Variants in B3GALT5 observed in about 807,000 individuals in gnomAD.
The protein encoded by B3GALT5 is beta-1,3-galactosyltransferase 5.
For synonymous variants in B3GALT5, 156 were observed against 158.6 expected (o/e 0.98, Z 0.12); for missense variants, 328 against 396.6 (o/e 0.83, Z 1.47).
At chr21:39,639,363 C>CTTTTT (rs1569212229) in intron 1 of B3GALT5, among the ~76,000 whole-genome samples, 2 of 116,972 alleles carry the variant, frequency 1.7e-5, no homozygotes, top group African/African-American at 3.2e-5. Flanking sequence ...TCCTTCCTTC[C>CTTTTT]TTCCTTCCTT....
At chr21:39,643,751 C>CACCTT (rs2079311715) in intron 1 of B3GALT5, among the ~76,000 whole-genome samples, 1 of 152,204 alleles carries the variant, frequency 6.6e-6, no homozygotes, top group Non-Finnish European at 1.5e-5. Flanking sequence ...GGGAGAGATG[C>CACCTT]TCCTTGATGA....
chr21:39,615,790 C>G (rs2079104501), intron 1 of B3GALT5, among the ~76,000 whole-genome samples: 2 of 152,178 alleles, frequency 1.3e-5, no homozygotes, highest in Admixed American at 6.5e-5. Flanking sequence ...AACAATAGAA[C>G]AGTGCCAGGT....
chr21:39,633,564 T>C lies in B3GALT5; in HGVS notation c.-391-12828T>C, dbSNP rs555395615. Among the ~76,000 whole-genome samples the C allele has an allele frequency of 4.7e-4, 71 of 152,328 alleles. 1 individual carries two copies. The highest frequency in any genetic ancestry group is 6.8e-3 in the Middle Eastern group (2 of 294). On this transcript the variant is annotated intron_variant, in intron 1 of 3. Coordinates refer to ENST00000684187, the MANE Select transcript of B3GALT5 (RefSeq NM_001356336.2). Reference sequence around the variant, plus strand: ...CTTAAGAGCACTGACTACAAAGACATCTCCTAAACTCTTTCTTTGTAAACT... The same window carrying C: ...CTTAAGAGCACTGACTACAAAGACACCTCCTAAACTCTTTCTTTGTAAACT...
At chr21:39,623,414 A>T (rs986497811) in intron 1 of B3GALT5, among the ~76,000 whole-genome samples, 6 of 151,932 alleles carry the variant, frequency 3.9e-5, no homozygotes, top group Non-Finnish European at 8.8e-5. Flanking sequence ...TTCTGTGCTC[A>T]TTTTTGTGTC....
At chr21:39,644,252 C>T (rs1602280584) in intron 1 of B3GALT5, among the ~76,000 whole-genome samples, 1 of 152,206 alleles carries the variant, frequency 6.6e-6, no homozygotes, top group East Asian at 1.9e-4. Context: ...TGAGTTCTGT[C>T]CTACGTCCCC....
intron 2 of B3GALT5, chr21:39,657,707 A>C: frequency 4.4e-6 from 2 of 458,510 alleles, no homozygotes; most frequent in Non-Finnish European, 7.1e-6. Context: ...TTACCTACCT[A>C]CCTGCCTATC....
chr21:39,672,863 T>A lies in B3GALT5; in HGVS notation c.*11371T>A, dbSNP rs900906445. ...TTTCGGAAGCAAAGCAATGGGACCCTACGCTTCAGAGTCTTAATGGGGTGG... is the reference window on the plus strand; with the variant it reads ...TTTCGGAAGCAAAGCAATGGGACCCAACGCTTCAGAGTCTTAATGGGGTGG... On this transcript the variant is annotated 3_prime_UTR_variant, in exon 4 of 4. Transcript: ENST00000684187. The A allele has an allele frequency of 6.6e-6, 1 of 152,210 alleles. No individual in the cohort carries two copies. The highest frequency in any genetic ancestry group is 2.4e-5 in the African/African-American group (1 of 41,460). 9.4% of individuals were successfully genotyped at this position (152,210 alleles called of 1,614,324 possible). A position where few individuals can be genotyped will look rare whatever the true frequency, so the allele number is the denominator to read the frequency against.
At chr21:39,660,428 C>T (rs958711360) in intron 3 of B3GALT5, 132 bp from the exon 4 acceptor site, 2 of 675,102 alleles carry the variant, frequency 3.0e-6, no homozygotes, top group African/African-American at 3.7e-5. Context: ...CACACAGCAC[C>T]CGACTTCTGT....
intron 1 of B3GALT5, among the ~76,000 whole-genome samples, chr21:39,632,181 C>T (rs917014921): frequency 2.0e-5 from 3 of 152,224 alleles, no homozygotes; most frequent in African/African-American, 7.2e-5. Flanking sequence ...CTACTAGTAA[C>T]TGTCTGTCTT....
At chr21:39,639,412 CTTTCTTTCTT>C (rs1569212447) in intron 1 of B3GALT5, among the ~76,000 whole-genome samples, 52 of 99,176 alleles carry the variant, frequency 5.2e-4, no homozygotes, top group African/African-American at 1.8e-3. Context: ...TTCTTTCTTT[CTTTCTTTCTT>C]TCTTTCTTTC....
At chr21:39,618,188 A>G (rs183933944) in intron 1 of B3GALT5, among the ~76,000 whole-genome samples, 4 of 152,252 alleles carry the variant, frequency 2.6e-5, no homozygotes, top group East Asian at 3.9e-4. Flanking sequence ...TTGTACTACA[A>G]TTGGCTCAGC....
At chr21:39,625,100 G>C (rs924229878) in intron 1 of B3GALT5, among the ~76,000 whole-genome samples, 1 of 152,088 alleles carries the variant, frequency 6.6e-6, no homozygotes, top group East Asian at 1.9e-4. Flanking sequence ...TTCCTGTTTT[G>C]GTGACTTTTC....
rs1035782115 is a variant in B3GALT5 at position 39,634,912 on chromosome 21, G to A, written c.-391-11480G>A. Among the ~76,000 whole-genome samples, 42 of 152,174 alleles carry A rather than the reference G, an allele frequency of 2.8e-4. 1 individual carries two copies. Among genetic ancestry groups the A allele is most frequent in the Non-Finnish European group, 7.3e-5 (5 of 68,030 alleles). ...GACAACGCGTAATGGCAGGCCAGAG[G>A]AAGCTCTGTGATCACCCTAGAGAGG... On this transcript the variant is annotated intron_variant, in intron 1 of 3. Transcript: ENST00000684187.
rs188808623 is a variant in B3GALT5 at position 39,669,329 on chromosome 21, G to A, written c.*7837G>A. On this transcript the variant is annotated 3_prime_UTR_variant, in exon 4 of 4. Coordinates refer to ENST00000684187, the MANE Select transcript of B3GALT5 (RefSeq NM_001356336.2). ...GAAAGCCAAAGCTCAGAAAAATGGAGTGACTTTGCCAGGTCCTTCAGCGAG... is the reference window on the plus strand; with the variant it reads ...GAAAGCCAAAGCTCAGAAAAATGGAATGACTTTGCCAGGTCCTTCAGCGAG... 7.0e-4 allele frequency: 106 copies of A among 152,174 alleles called. 1 individual carries two copies. The highest frequency in any genetic ancestry group is 2.5e-3 in the African/African-American group (103 of 41,508). The allele number at this position is 152,174 out of a possible 1,614,324, so 9.4% of individuals were successfully genotyped here. A position where few individuals can be genotyped will look rare whatever the true frequency, so the allele number is the denominator to read the frequency against.
intron 2 of B3GALT5, among the ~76,000 whole-genome samples, chr21:39,652,806 C>T (rs1228090377): frequency 2.0e-5 from 3 of 152,178 alleles, no homozygotes; most frequent in Non-Finnish European, 2.9e-5. Flanking sequence ...AAACTCCAGA[C>T]TTTATTTCCT....
intron 1 of B3GALT5, among the ~76,000 whole-genome samples, chr21:39,642,586 C>T (rs2079298672): frequency 6.6e-6 from 1 of 152,166 alleles, no homozygotes; most frequent in Non-Finnish European, 1.5e-5. Context: ...TTTCTGTTTG[C>T]TCTGTCTCTT....
At chr21:39,639,464 C>CTTTT (rs1569212625) in intron 1 of B3GALT5, among the ~76,000 whole-genome samples, 2 of 107,908 alleles carry the variant, frequency 1.9e-5, no homozygotes, top group Non-Finnish European at 3.9e-5. Flanking sequence ...TTTTTTCTTT[C>CTTTT]TCTCTCTCTC....
chr21:39,656,448 C>T (rs559077), intron 2 of B3GALT5, among the ~76,000 whole-genome samples: 60,997 of 152,022 alleles, frequency 0.4, 13,131 homozygotes, highest in Middle Eastern at 0.54. Flanking sequence ...GCAGATGCCA[C>T]GTCCTTCACG....
chr21:39,645,186 GA>G (rs2036111399), intron 1 of B3GALT5, among the ~76,000 whole-genome samples: 2 of 152,158 alleles, frequency 1.3e-5, no homozygotes, highest in South Asian at 4.1e-4. Context: ...ACCGTTCCCG[GA>G]GTCTTACTTG....
Sources: allele counts gnomAD v4.1 joint callset (sites outside exome capture counted in the v4.1 genomes callset), GRCh38; gene constraint gnomAD v4.1.1; transcripts MANE v1.5; gene names NCBI Gene and HGNC (gene_info 2026-07-23, HGNC 2026-07-21).